Variants in NFIB observed in about 807,000 individuals in gnomAD.
NFIB encodes the protein nuclear factor I B, also known as nuclear factor 1 B-type.
Under a neutral mutation model 61.5 loss-of-function variants are expected in NFIB, and 11 were observed. That is an observed-to-expected ratio of 0.18 (90% confidence interval 0.11 to 0.30). NFIB has a LOEUF of 0.30. Among genes scored for constraint, NFIB ranks in the 10% least tolerant of loss-of-function variants. The pLI is 1.00. For synonymous variants in NFIB, 260 were observed against 216.5 expected (o/e 1.20, Z -1.76); for missense variants, 471 against 608.9 (o/e 0.77, Z 2.38).
the NFIB span, among the ~76,000 whole-genome samples, chr9:14,482,002 T>C: frequency 1.3e-5 from 2 of 152,058 alleles, no homozygotes; most frequent in Non-Finnish European, 2.9e-5. Context: ...TTATTTACCT[T>C]CAGTGACTCT....
At chr9:14,401,579 G>A (rs1389527634), upstream of NFIB, among the ~76,000 whole-genome samples, 2 of 152,152 alleles carry the variant, frequency 1.3e-5, no homozygotes, top group Non-Finnish European at 2.9e-5. Flanking sequence ...TGAAAGTTAA[G>A]TATTCTATAT....
At chr9:14,187,009 G>A (rs2047411471) in intron 2 of NFIB, among the ~76,000 whole-genome samples, 2 of 12,504 alleles carry the variant, frequency 1.6e-4, no homozygotes. Flanking sequence ...TCGCTCCTGT[G>A]TGTGTGTGTG....
intron 7 of NFIB, among the ~76,000 whole-genome samples, chr9:14,121,356 A>G (rs985236756): frequency 5.3e-5 from 8 of 152,238 alleles, no homozygotes; most frequent in African/African-American, 1.7e-4. Flanking sequence ...AGAGCAAGTC[A>G]CAGCATTAAG....
the NFIB span, among the ~76,000 whole-genome samples, chr9:14,464,145 T>G: frequency 1.2e-3 from 188 of 152,168 alleles, no homozygotes; most frequent in African/African-American, 4.3e-3. Context: ...AAAAGAAAAA[T>G]GAAAGGAATA....
chr9:14,375,962 A>G (rs1366768635), intron 1 of NFIB, among the ~76,000 whole-genome samples: 1 of 152,254 alleles, frequency 6.6e-6, no homozygotes, highest in Non-Finnish European at 1.5e-5. Context: ...TTGAGAACCC[A>G]GTCTGCTGTG....
chr9:14,111,081 T>C (rs2037293101), intron 10 of NFIB, among the ~76,000 whole-genome samples: 1 of 152,134 alleles, frequency 6.6e-6, no homozygotes, highest in East Asian at 1.9e-4. Flanking sequence ...CTCGATTCAA[T>C]GTTGTCCACT....
chr9:14,482,698 C>G, the NFIB span, among the ~76,000 whole-genome samples: 2 of 152,140 alleles, frequency 1.3e-5, no homozygotes, highest in African/African-American at 4.8e-5. Flanking sequence ...CCATTTCTCC[C>G]AAATGAACCA....
chr9:14,357,210 T>C (rs992177842), intron 1 of NFIB: 14 of 152,262 alleles, frequency 9.2e-5, no homozygotes, highest in African/African-American at 2.7e-4. Context: ...ATTAACTTCA[T>C]TGGCTTCTAT....
At chr9:14,182,844 G>C (rs1042895509) in intron 2 of NFIB, among the ~76,000 whole-genome samples, 2 of 151,446 alleles carry the variant, frequency 1.3e-5, no homozygotes, top group Non-Finnish European at 2.9e-5. Flanking sequence ...AAGAGTCTTG[G>C]TGTCTGGATC....
At chr9:14,387,818 A>G (rs2382470) in intron 1 of NFIB, among the ~76,000 whole-genome samples, 117,788 of 152,092 alleles carry the variant, frequency 0.77, 45,731 homozygotes, top group African/African-American at 0.8. Flanking sequence ...TTGGGGCAGT[A>G]TTTTCCAATT....
chr9:14,259,623 G>T (rs1009816572), intron 2 of NFIB, among the ~76,000 whole-genome samples: 11 of 152,128 alleles, frequency 7.2e-5, no homozygotes, highest in Non-Finnish European at 8.8e-5. Flanking sequence ...ATTGGTGGCC[G>T]GGCGCAGTGG....
the NFIB span, among the ~76,000 whole-genome samples, chr9:14,473,142 G>A: frequency 6.6e-6 from 1 of 152,182 alleles, no homozygotes; most frequent in Non-Finnish European, 1.5e-5. Context: ...GCTCTCAGAG[G>A]TCTGACGTGT....
At position 14,313,476 on chromosome 9, in the gene NFIB, A is replaced by G. The variant is rs1564001604; in HGVS notation, c.30+6T>C. The G allele has an allele frequency of 2.5e-6, 4 of 1,614,018 alleles. No homozygotes were observed. The highest frequency in any genetic ancestry group is 1.7e-5 in the Admixed American group (1 of 60,008). On this transcript the variant is annotated splice_donor_region_variant and intron_variant, in intron 1 of 10. Coordinates refer to ENST00000380953, the MANE Select transcript of NFIB (RefSeq NM_001190737.2). The surrounding 1 kb of genome is among the most constrained non-coding windows in gnomAD (Gnocchi z 4.5). ...GAAAGCTCGAGAAAGCGACCGAGAC[A>G]TGTACCTGAGTGAGACAGATGGGAG...
At chr9:14,167,379 C>T (rs1189524674) in intron 3 of NFIB, among the ~76,000 whole-genome samples, 2 of 152,032 alleles carry the variant, frequency 1.3e-5, no homozygotes, top group African/African-American at 4.8e-5. Flanking sequence ...CCTACATCTA[C>T]TAAAAATACA....
chr9:14,353,845 G>A (rs898704793), intron 1 of NFIB, among the ~76,000 whole-genome samples: 4 of 148,786 alleles, frequency 2.7e-5, no homozygotes, highest in Non-Finnish European at 5.9e-5. Flanking sequence ...GAGCGAGAGG[G>A]GTTTTGTCTT....
intron 6 of NFIB, among the ~76,000 whole-genome samples, chr9:14,145,364 A>G (rs1457703536): frequency 6.6e-6 from 1 of 152,132 alleles, no homozygotes; most frequent in South Asian, 2.1e-4. Context: ...GGAGATTTAG[A>G]TGAGATTTAG....
rs546547548 is a variant in NFIB, at chr9:14,120,470, A to G, written c.1215T>C (p.Ser405=). ...TGGTTTGTGGACTGGATGGGTCATA[A>G]GAAGGTACATAGTTCTTCAGAGTAT... ...PQDTLKNYVP[S]YDPSSPQTSQ... is the part of the protein sequence containing the mutation. Residue 405 remains serine (S), a synonymous_variant, in exon 8 of 11, where the codon TCT becomes TCC. Coordinates refer to ENST00000380953, the MANE Select transcript of NFIB (RefSeq NM_001190737.2). This position sits in a 1 kb window ranked among gnomAD's most constrained non-coding sequence, Gnocchi z 4.4. 3 of 1,614,100 alleles carry G rather than the reference A, an allele frequency of 1.9e-6. No homozygotes were observed. The highest frequency in any genetic ancestry group is 1.7e-5 in the Admixed American group (1 of 60,012).
At chr9:14,117,745 G>A (rs367737292) in intron 8 of NFIB, among the ~76,000 whole-genome samples, 4 of 152,168 alleles carry the variant, frequency 2.6e-5, no homozygotes, top group African/African-American at 9.6e-5. Context: ...ATTGACCAGA[G>A]TTTTCCAATA....
At chr9:14,131,093 C>T (rs552898871) in intron 6 of NFIB, among the ~76,000 whole-genome samples, 23 of 152,188 alleles carry the variant, frequency 1.5e-4, no homozygotes, top group African/African-American at 5.5e-4. Flanking sequence ...TTCTTAATGA[C>T]AGATTAGAGA....
Sources: allele counts gnomAD v4.1 joint callset (sites outside exome capture counted in the v4.1 genomes callset), GRCh38; gene constraint gnomAD v4.1.1; non-coding constraint Gnocchi (gnomAD v3.1); transcripts MANE v1.5; gene names NCBI Gene and HGNC (gene_info 2026-07-23, HGNC 2026-07-21).